The following ADAMTS17 variants were observed in gnomAD, a reference collection of about 807,000 sequenced individuals.
The protein encoded by ADAMTS17 is ADAM metallopeptidase with thrombospondin type 1 motif 17, also known as A disintegrin and metalloproteinase with thrombospondin motifs 17.
ADAMTS17 carries 113 observed loss-of-function variants against 141.5 expected under a neutral mutation model. The observed-to-expected ratio is 0.80, with a 90% CI of 0.69 to 0.93. ADAMTS17 has a LOEUF of 0.93. Ranked by LOEUF, ADAMTS17 falls within the 40% of genes least tolerant of loss-of-function variation. The pLI is 0.00. For synonymous variants in ADAMTS17, 768 were observed against 630.6 expected (o/e 1.22, Z -3.27); for missense variants, 1,659 against 1,517.9 (o/e 1.09, Z -1.54).
At chr15:100,123,747 T>C (rs2037572237) in intron 12 of ADAMTS17, among the ~76,000 whole-genome samples, 1 of 152,192 alleles carries the variant, frequency 6.6e-6, no homozygotes, top group South Asian at 2.1e-4. Flanking sequence ...CATAACCGCT[T>C]GGCTGACGAG....
In ADAMTS17 at chr15:99,997,456, G is replaced by A. The variant is rs766826340; in HGVS notation, c.2725C>T (p.Arg909Trp). The A allele has an allele frequency of 2.5e-5, 40 of 1,613,450 alleles. No individual in the cohort carries two copies. The highest frequency in any genetic ancestry group is 1.6e-4 in the Middle Eastern group (1 of 6,062). Reference protein sequence around the residue: ...ATRPLYCPGPRPAAVQSCEGQ... With the variant: ...ATRPLYCPGPWPAAVQSCEGQ... The stretch of plus-strand genomic sequence containing the variant: ...TCACAGCTCTGCACTGCCGCCGGCC[G>A]GGGGCCCGGGCAGTAGAGGGGCCGC... The change falls in exon 19 of 22, where the codon CGG becomes TGG. Residue 909 changes from arginine to tryptophan, a missense_variant. Transcript: ENST00000268070. The surrounding 1 kb of genome is among the most constrained non-coding windows in gnomAD (Gnocchi z 4.7).
intron 13 of ADAMTS17, among the ~76,000 whole-genome samples, chr15:100,112,622 A>C (rs2036858276): frequency 6.6e-6 from 1 of 152,098 alleles, no homozygotes; most frequent in South Asian, 2.1e-4. Context: ...ACACTCTTAC[A>C]TCCCCAACAG....
intron 15 of ADAMTS17, among the ~76,000 whole-genome samples, chr15:100,094,480 G>A (rs924958352): frequency 2.0e-5 from 3 of 152,362 alleles, no homozygotes; most frequent in Admixed American, 1.3e-4. Flanking sequence ...ATCAGAGTCT[G>A]GGTAAAGGAA....
At position 100,237,228 on chromosome 15, in the gene ADAMTS17, G is replaced by A. The variant is rs1346874777; in HGVS notation, c.1075+16908C>T. Among the ~76,000 whole-genome samples, 10 of 152,270 alleles carry A rather than the reference G, an allele frequency of 6.6e-5. No individual in the cohort carries two copies. In the East Asian group the frequency reaches 1.4e-3, roughly 21 times the overall value. On this transcript the variant is annotated intron_variant, in intron 7 of 21. Coordinates refer to ENST00000268070, the MANE Select transcript of ADAMTS17 (RefSeq NM_139057.4). ...CTGTGAACTGGCGCCTACAGGAGGCGACTCCATGTGAGGGCCGAGGTCTGA... is the reference window on the plus strand; with the variant it reads ...CTGTGAACTGGCGCCTACAGGAGGCAACTCCATGTGAGGGCCGAGGTCTGA...
intron 3 of ADAMTS17, among the ~76,000 whole-genome samples, chr15:100,295,495 C>A (rs1184135033): frequency 6.6e-6 from 1 of 152,110 alleles, no homozygotes; most frequent in Admixed American, 6.5e-5. Context: ...ATTACAGGAC[C>A]CAGCCTCCCC....
At chr15:100,203,173 G>A (rs2041403107) in intron 7 of ADAMTS17, among the ~76,000 whole-genome samples, 1 of 152,094 alleles carries the variant, frequency 6.6e-6, no homozygotes. Context: ...CTACACCCCT[G>A]ACAACAAGCG....
intron 15 of ADAMTS17, among the ~76,000 whole-genome samples, chr15:100,058,775 G>T (rs1413883373): frequency 6.6e-6 from 1 of 152,206 alleles, no homozygotes; most frequent in African/African-American, 2.4e-5. Flanking sequence ...TAGCGGAATG[G>T]GTGGGAGAGG....
At chr15:100,298,033 G>A (rs1175521065) in intron 3 of ADAMTS17, among the ~76,000 whole-genome samples, 2 of 152,052 alleles carry the variant, frequency 1.3e-5, no homozygotes, top group African/African-American at 2.4e-5. Flanking sequence ...GAGTCACGGT[G>A]TGGGGGTGGG....
chr15:100,194,712 G>T (rs1465831303), intron 8 of ADAMTS17, among the ~76,000 whole-genome samples: 1 of 152,114 alleles, frequency 6.6e-6, no homozygotes, highest in East Asian at 1.9e-4. Flanking sequence ...ACCAAATTGT[G>T]ATCGGCATGT....
At chr15:100,009,235 A>C (rs1484442132) in intron 18 of ADAMTS17, among the ~76,000 whole-genome samples, 1 of 152,130 alleles carries the variant, frequency 6.6e-6, no homozygotes, top group Admixed American at 6.5e-5. Flanking sequence ...TTACAGAGGG[A>C]GAAAACAACT....
chr15:100,112,446 C>T (rs2036848088), intron 13 of ADAMTS17, among the ~76,000 whole-genome samples: 1 of 152,116 alleles, frequency 6.6e-6, no homozygotes. Context: ...AACTATATGG[C>T]ATGATCTCCC....
At chr15:100,306,327 C>T (rs906153256) in intron 3 of ADAMTS17, 2 of 367,906 alleles carry the variant, frequency 5.4e-6, no homozygotes, top group Non-Finnish European at 5.4e-6. Context: ...TGAGGCTGAT[C>T]CTCAAAGGCA....
chr15:100,049,168 G>T (rs1461352302), intron 17 of ADAMTS17, among the ~76,000 whole-genome samples, 176 bp from the exon 18 acceptor site: 2 of 152,208 alleles, frequency 1.3e-5, no homozygotes, highest in Non-Finnish European at 2.9e-5. Flanking sequence ...TCGTAGGGAG[G>T]AGAGTACAAG....
intron 20 of ADAMTS17, 114 bp downstream of exon 20, chr15:99,992,934 C>G (rs2060719546): frequency 7.5e-7 from 1 of 1,336,924 alleles, no homozygotes; most frequent in Non-Finnish European, 1.0e-6. Context: ...ATGAATTTGC[C>G]TAGTTACGCT....
intron 7 of ADAMTS17, among the ~76,000 whole-genome samples, chr15:100,239,658 C>T (rs536752730): frequency 1.1e-4 from 16 of 152,284 alleles, no homozygotes; most frequent in South Asian, 4.1e-4. Context: ...CATGCTTTGA[C>T]GTCTAATGAG....
intron 18 of ADAMTS17, among the ~76,000 whole-genome samples, chr15:100,047,352 G>A (rs531123814): frequency 9.8e-5 from 13 of 132,426 alleles, no homozygotes; most frequent in African/African-American, 3.9e-4. Flanking sequence ...TGTGAAGTAC[G>A]TGATCTCTGT....
chr15:100,051,719 G>T lies in ADAMTS17; in HGVS notation c.2308C>A (p.His770Asn). 2 of 1,614,180 alleles carry T rather than the reference G, an allele frequency of 1.2e-6. No homozygotes were observed. The highest frequency in any genetic ancestry group is 1.3e-5 in the African/African-American group (1 of 75,048). Reference sequence around the variant, plus strand: ...TAATGAATTCCATAATCTTGGTCGTGAAATAACAACACCTGGATCAGCCGC... The same window carrying T: ...TAATGAATTCCATAATCTTGGTCGTTAAATAACAACACCTGGATCAGCCGC... ...LPLHLMVLLF[H>N]DQDYGIHYEY... The change falls in exon 17 of 22, where the codon CAC becomes AAC. Residue 770 changes from histidine (H) to asparagine (N), a missense_variant. Coordinates refer to ENST00000268070, the MANE Select transcript of ADAMTS17 (RefSeq NM_139057.4).
At chr15:100,280,201 T>C (rs1415519988) in intron 4 of ADAMTS17, among the ~76,000 whole-genome samples, 2 of 152,134 alleles carry the variant, frequency 1.3e-5, no homozygotes, top group African/African-American at 2.4e-5. Flanking sequence ...TGTGGCCCCA[T>C]ATTCATTGCT....
intron 10 of ADAMTS17, among the ~76,000 whole-genome samples, chr15:100,148,354 T>G (rs572542224): frequency 6.6e-6 from 1 of 152,350 alleles, no homozygotes; most frequent in East Asian, 1.9e-4. Context: ...TTTCTTTGTG[T>G]AGATCCATAT....
Sources: gnomAD v4.1 joint callset for allele counts (sites outside exome capture counted in the v4.1 genomes callset) on GRCh38, gnomAD v4.1.1 for gene constraint, Gnocchi (gnomAD v3.1) non-coding constraint, MANE v1.5 for transcripts, NCBI Gene and HGNC (gene_info 2026-07-23, HGNC 2026-07-21) for gene names.